Variants in RYR2 observed in about 807,000 individuals in gnomAD.
RYR2 encodes ryanodine receptor 2, also known as cardiac muscle ryanodine receptor-calcium release channel.
A neutral mutation model predicts 601.1 loss-of-function variants in RYR2; 227 were observed. That is an observed-to-expected ratio of 0.38 (90% CI 0.34 to 0.42). The LOEUF (loss-of-function observed/expected upper bound fraction) is 0.42. Ranked by LOEUF, RYR2 falls within the 10% of genes least tolerant of loss-of-function variation. The pLI, the probability that RYR2 is intolerant of heterozygous loss-of-function variation, is 1.00. For synonymous variants in RYR2, 2,223 were observed against 2,175.1 expected (o/e 1.02, Z -0.61); for missense variants, 4,646 against 6,156.5 (o/e 0.75, Z 8.21).
At chr1:237,133,501 G>T (rs1223310345) in intron 1 of RYR2, among the ~76,000 whole-genome samples, 1 of 152,116 alleles carries the variant, frequency 6.6e-6, no homozygotes, top group African/African-American at 2.4e-5. Flanking sequence ...AAGTTGAGAG[G>T]TCTAGTAGTC....
In RYR2 at chr1:237,620,890, G is replaced by A. The variant is rs74147122; in HGVS notation, c.5917-2875G>A. ...TGAACAGAAAAATCAGCTATGACAC[G>A]GAAAAACTCCACACTATCATCAAAT... On this transcript the variant is annotated intron_variant, in intron 38 of 104. Coordinates refer to ENST00000366574, the MANE Select transcript of RYR2 (RefSeq NM_001035.3). Among the ~76,000 whole-genome samples, 1,411 of 152,118 alleles carry A rather than the reference G, an allele frequency of 9.3e-3. 22 individuals carry two copies. Among genetic ancestry groups the A allele is most frequent in the African/African-American group, 0.033 (1,350 of 41,528 alleles).
intron 62 of RYR2, among the ~76,000 whole-genome samples, chr1:237,684,385 G>A (rs550462559): frequency 9.9e-5 from 15 of 152,208 alleles, no homozygotes; most frequent in Non-Finnish European, 1.6e-4. Flanking sequence ...TAACTCTACA[G>A]GAAGTTGTGA....
At chr1:237,829,520 G>C (rs1663536278) in intron 102 of RYR2, among the ~76,000 whole-genome samples, 1 of 152,140 alleles carries the variant, frequency 6.6e-6, no homozygotes, top group Non-Finnish European at 1.5e-5. Context: ...AGGGAACCCA[G>C]AGGAAGAACA....
chr1:237,267,938 T>C (rs1446920680), intron 1 of RYR2, among the ~76,000 whole-genome samples: 1 of 152,182 alleles, frequency 6.6e-6, no homozygotes, highest in Non-Finnish European at 1.5e-5. Flanking sequence ...CATCTAGATA[T>C]GTGTGGGTCC....
At chr1:237,139,726 G>A (rs1286596546) in intron 1 of RYR2, among the ~76,000 whole-genome samples, 1 of 152,124 alleles carries the variant, frequency 6.6e-6, no homozygotes, top group East Asian at 1.9e-4. Context: ...ACTGCCTAAT[G>A]ACTGTCTTCA....
chr1:237,566,882 C>A, intron 28 of RYR2, 107 bp downstream of exon 28: 1 of 1,116,404 alleles, frequency 9.0e-7, no homozygotes, highest in Non-Finnish European at 1.3e-6. Flanking sequence ...ACAGCACAAA[C>A]GTGGAAAAAT....
At chr1:237,735,364 A>AT (rs1691049152) in intron 79 of RYR2, among the ~76,000 whole-genome samples, 1 of 152,136 alleles carries the variant, frequency 6.6e-6, no homozygotes, top group African/African-American at 2.4e-5. Context: ...GTGAGGTTGA[A>AT]GGGGATTATT....
intron 27 of RYR2, among the ~76,000 whole-genome samples, chr1:237,552,932 A>G (rs1308355772): frequency 2.6e-5 from 4 of 151,882 alleles, no homozygotes; most frequent in African/African-American, 9.7e-5. Flanking sequence ...ACCGAGGCAT[A>G]TTTTCTAATT....
chr1:237,235,896 C>T (rs1304656258), intron 1 of RYR2, among the ~76,000 whole-genome samples: 9 of 152,128 alleles, frequency 5.9e-5, no homozygotes, highest in Non-Finnish European at 1.2e-4. Flanking sequence ...TGGAGGTTAG[C>T]ATTGAAAACA....
intron 1 of RYR2, among the ~76,000 whole-genome samples, chr1:237,116,274 G>A (rs1283096553): frequency 1.3e-5 from 2 of 152,150 alleles, no homozygotes; most frequent in Non-Finnish European, 1.5e-5. Context: ...AAGGGGAGCC[G>A]AGACAGCTGG....
intron 27 of RYR2, among the ~76,000 whole-genome samples, chr1:237,551,474 T>C (rs1026426392): frequency 1.5e-5 from 2 of 136,136 alleles, no homozygotes; most frequent in Non-Finnish European, 3.0e-5. Flanking sequence ...GAGCTTGCAG[T>C]GAGCCGAGAT....
At chr1:237,234,534 G>A (rs954120361) in intron 1 of RYR2, among the ~76,000 whole-genome samples, 15 of 152,104 alleles carry the variant, frequency 9.9e-5, no homozygotes, top group Non-Finnish European at 1.8e-4. Context: ...GTTAAAATAC[G>A]TTTTTATATA....
chr1:237,644,567 T>C (rs1222365995), intron 48 of RYR2, among the ~76,000 whole-genome samples: 1 of 152,160 alleles, frequency 6.6e-6, no homozygotes, highest in African/African-American at 2.4e-5. Context: ...AAGGAGAAAA[T>C]GTTTTTCAAG....
chr1:237,565,155 TTCTCTTTCTTTCTTTC>T (rs1671865581), intron 27 of RYR2, among the ~76,000 whole-genome samples: 4 of 120,940 alleles, frequency 3.3e-5, no homozygotes, highest in African/African-American at 9.9e-5. Flanking sequence ...CTTTCTTTCT[TTCTCTTTCTTTCTTTC>T]TTTCTTTCTT....
At chr1:237,653,884 G>A (rs1485555129) in intron 51 of RYR2, among the ~76,000 whole-genome samples, 1 of 152,162 alleles carries the variant, frequency 6.6e-6, no homozygotes, top group African/African-American at 2.4e-5. Flanking sequence ...CAAAGATAAA[G>A]GCCAGAAGAT....
chr1:237,441,555 A>G (rs183553166), intron 13 of RYR2, 72 bp downstream of exon 13: 112 of 1,380,780 alleles, frequency 8.1e-5, no homozygotes, highest in Middle Eastern at 2.0e-4. Flanking sequence ...GTCAAAAATA[A>G]TTGGCTGATC....
intron 1 of RYR2, among the ~76,000 whole-genome samples, chr1:237,131,456 A>G (rs12408199): frequency 6.6e-6 from 1 of 152,130 alleles, no homozygotes; most frequent in Non-Finnish European, 1.5e-5. Flanking sequence ...AAAATAGTCA[A>G]CAGAAACAGA....
intron 1 of RYR2, among the ~76,000 whole-genome samples, chr1:237,082,994 T>G (rs1191810475): frequency 6.6e-6 from 1 of 152,204 alleles, no homozygotes; most frequent in African/African-American, 2.4e-5. Context: ...CCTTGCACAC[T>G]TTCTTCTTTA....
chr1:237,671,538 TGC>T (rs934537795), intron 58 of RYR2, among the ~76,000 whole-genome samples: 4 of 151,044 alleles, frequency 2.6e-5, no homozygotes, highest in African/African-American at 9.7e-5. Flanking sequence ...TGTGTGTGTG[TGC>T]GTGTGAGAGA....
Sources: allele counts gnomAD v4.1 joint callset (sites outside exome capture counted in the v4.1 genomes callset), GRCh38; gene constraint gnomAD v4.1.1; transcripts MANE v1.5; gene names NCBI Gene and HGNC (gene_info 2026-07-23, HGNC 2026-07-21).